The following JAKMIP1 variants were observed in gnomAD, a reference collection of about 807,000 sequenced individuals.
JAKMIP1 encodes the protein janus kinase and microtubule-interacting protein 1.
Under a neutral mutation model 113.0 loss-of-function variants are expected in JAKMIP1, and 33 were observed. The observed-to-expected ratio is 0.29, with a 90% CI of 0.22 to 0.39. The LOEUF (loss-of-function observed/expected upper bound fraction) is 0.39. Among genes scored for constraint, JAKMIP1 ranks in the 10% least tolerant of loss-of-function variants. The pLI is 1.00. For missense variants in JAKMIP1, 813 were observed against 1,080.5 expected (o/e 0.75, Z 3.47); for synonymous variants, 480 against 459.9 (o/e 1.04, Z -0.56).
Position 6,065,508 on chromosome 4 carries a change from C to G in JAKMIP1, c.1303-500G>C, listed in dbSNP as rs1717939246. Among the ~76,000 whole-genome samples the G allele has an allele frequency of 1.3e-5, 2 of 152,212 alleles. No individual in the cohort carries two copies. The highest frequency in any genetic ancestry group is 1.3e-4 in the Admixed American group (2 of 15,280). On this transcript the variant is annotated intron_variant, in intron 8 of 20. Coordinates refer to ENST00000409021, the MANE Select transcript of JAKMIP1 (RefSeq NM_001099433.2). This position sits in a 1 kb window ranked among gnomAD's most constrained non-coding sequence, Gnocchi z 5.1. Reference sequence around the variant, plus strand: ...TGAATAAGGACAGCAGAGGGGGCAACAGCTTGAAGGAGTGGAGAGCCCAGC... The same window carrying G: ...TGAATAAGGACAGCAGAGGGGGCAAGAGCTTGAAGGAGTGGAGAGCCCAGC...
chr4:6,082,157 A>C (rs536155508), intron 5 of JAKMIP1, among the ~76,000 whole-genome samples: 1 of 152,066 alleles, frequency 6.6e-6, no homozygotes, highest in East Asian at 1.9e-4. Flanking sequence ...AGAGGAGGCA[A>C]TGGGCCCAAC....
Position 6,039,848 on chromosome 4 carries a change from G to A in JAKMIP1, c.2175+791C>T, listed in dbSNP as rs527602708. Among the ~76,000 whole-genome samples the A allele has an allele frequency of 1.2e-3, 176 of 152,306 alleles. 2 individuals carry two copies. The highest frequency in any genetic ancestry group is 4.1e-3 in the African/African-American group (169 of 41,566). ...GTCTTCCTGGAGCCTGTCATGGGAA[G>A]TAGAGTTTTAAAGTCATTTTTTTTT... is the stretch of plus-strand genomic sequence containing the variant. On this transcript the variant is annotated intron_variant, in intron 18 of 20. Transcript: ENST00000409021.
chr4:6,104,336 A>G (rs1483447048), intron 3 of JAKMIP1, among the ~76,000 whole-genome samples: 1 of 150,954 alleles, frequency 6.6e-6, no homozygotes, highest in African/African-American at 2.5e-5. Flanking sequence ...TTCTCCTTTT[A>G]GTGTTGATAA....
Position 6,139,855 on chromosome 4 carries a change from C to T in JAKMIP1, c.-147-26858G>A, listed in dbSNP as rs769097190. Among the ~76,000 whole-genome samples the T allele has an allele frequency of 3.2e-4, 49 of 151,954 alleles. No individual in the cohort carries two copies. Among genetic ancestry groups the T allele is most frequent in the African/African-American group, 7.3e-4 (30 of 41,348 alleles). ...GACAAAGGAGAACACCATGTGACGA[C>T]GAAGGAGGAGGTCACGGGGCAGATT... On this transcript the variant is annotated intron_variant, in intron 1 of 20. Transcript: ENST00000409021. This position sits in a 1 kb window ranked among gnomAD's most constrained non-coding sequence, Gnocchi z 5.2.
rs1717808418 is a variant in JAKMIP1 at position 6,064,746 on chromosome 4, T to C, written c.1431+134A>G. On this transcript the variant is annotated intron_variant, in intron 9 of 20. Coordinates refer to ENST00000409021, the MANE Select transcript of JAKMIP1 (RefSeq NM_001099433.2). The surrounding 1 kb of genome is among the most constrained non-coding windows in gnomAD (Gnocchi z 4.3). The stretch of plus-strand genomic sequence containing the variant: ...CCCTTCACACCATTGGCTTTGATAA[T>C]GCACTGGTAGGAACTGGTCATCTGG... 1 of 1,132,020 alleles carries C rather than the reference T, an allele frequency of 8.8e-7. No homozygotes were observed. The highest frequency in any genetic ancestry group is 1.3e-6 in the Non-Finnish European group (1 of 798,052). 70.1% of individuals were successfully genotyped at this position (1,132,020 alleles called of 1,614,324 possible). A position where few individuals can be genotyped will look rare whatever the true frequency, so the allele number is the denominator to read the frequency against.
rs557066494 is a variant in JAKMIP1 at position 6,031,460 on chromosome 4, C to T, written c.2380-1679G>A. Among the ~76,000 whole-genome samples, 5 of 152,176 alleles carry T rather than the reference C, an allele frequency of 3.3e-5. No individual in the cohort carries two copies. The highest frequency in any genetic ancestry group is 7.2e-5 in the African/African-American group (3 of 41,516). On this transcript the variant is annotated intron_variant, in intron 19 of 20. Transcript: ENST00000409021. This position sits in a 1 kb window ranked among gnomAD's most constrained non-coding sequence, Gnocchi z 4.4. ...CATGAGGAGGGGTGAGGTATCGTGC[C>T]GTGGGCTGGAGGAGACGTGGAACCC...
Position 6,185,498 on chromosome 4 carries a change from A to G in JAKMIP1, c.-148+14755T>C, listed in dbSNP as rs1726552005. Among the ~76,000 whole-genome samples, 2 of 152,176 alleles carry G rather than the reference A, an allele frequency of 1.3e-5. No homozygotes were observed. The highest frequency in any genetic ancestry group is 1.5e-5 in the Non-Finnish European group (1 of 68,026). On this transcript the variant is annotated intron_variant, in intron 1 of 20. Transcript: ENST00000409021. The surrounding 1 kb of genome is among the most constrained non-coding windows in gnomAD (Gnocchi z 5.3). ...CCATCTCTACTAAAAAATACAAAAA[A>G]TTAGCCGGGCGTGGTGGCAGACGCC...
At chr4:6,054,795 G>A (rs904118176) in intron 12 of JAKMIP1, 14 of 456,702 alleles carry the variant, frequency 3.1e-5, no homozygotes, top group East Asian at 7.0e-5. Flanking sequence ...TGGCAGCAGC[G>A]AGAAGTCACT....
intron 1 of JAKMIP1, among the ~76,000 whole-genome samples, chr4:6,195,952 G>A (rs979637291): frequency 1.3e-5 from 2 of 152,212 alleles, no homozygotes; most frequent in Non-Finnish European, 2.9e-5. Flanking sequence ...ATAGATCCTG[G>A]CACTTGCTAA....
rs1213858598 is a variant in JAKMIP1, at chr4:6,093,052, T to C, written c.625-7423A>G. ...GGCTATTTTAGAGATATGGTTAAAA[T>C]GATCACATCATGCCCCATTACTTCC... is the stretch of plus-strand genomic sequence containing the variant. On this transcript the variant is annotated intron_variant, in intron 3 of 20. Coordinates refer to ENST00000409021, the MANE Select transcript of JAKMIP1 (RefSeq NM_001099433.2). The surrounding 1 kb of genome is among the most constrained non-coding windows in gnomAD (Gnocchi z 4.6). Among the ~76,000 whole-genome samples the C allele has an allele frequency of 1.3e-5, 2 of 152,246 alleles. No homozygotes were observed. Among genetic ancestry groups the C allele is most frequent in the Admixed American group, 6.5e-5 (1 of 15,278 alleles).
chr4:6,098,632 A>AAAGG (rs1712330368), intron 3 of JAKMIP1, among the ~76,000 whole-genome samples: 1 of 147,588 alleles, frequency 6.8e-6, no homozygotes, highest in African/African-American at 2.6e-5. Context: ...AAAAAGAAAG[A>AAAGG]AAGAAAAGAA....
intron 1 of JAKMIP1, among the ~76,000 whole-genome samples, chr4:6,127,911 G>T (rs1034807885): frequency 6.6e-6 from 1 of 152,154 alleles, no homozygotes; most frequent in African/African-American, 2.4e-5. Context: ...CCCAAAATGC[G>T]TCCACTCCCC....
chr4:6,151,583 C>T (rs1270661000), intron 1 of JAKMIP1, among the ~76,000 whole-genome samples: 2 of 152,154 alleles, frequency 1.3e-5, no homozygotes, highest in Non-Finnish European at 2.9e-5. Context: ...CCATGCCCCA[C>T]CTAGTTGCAC....
In JAKMIP1 at chr4:6,179,120, T is replaced by C. The variant is rs1257071621; in HGVS notation, c.-148+21133A>G. Among the ~76,000 whole-genome samples, 3 of 152,166 alleles carry C rather than the reference T, an allele frequency of 2.0e-5. No homozygotes were observed. Among genetic ancestry groups the C allele is most frequent in the African/African-American group, 7.2e-5 (3 of 41,448 alleles). ...TGCTTTTCAAACCTTTGTTGCTCTT[T>C]TTCATGAAATGGTCTTAGAAGGACC... On this transcript the variant is annotated intron_variant, in intron 1 of 20. Coordinates refer to ENST00000409021, the MANE Select transcript of JAKMIP1 (RefSeq NM_001099433.2). This position sits in a 1 kb window ranked among gnomAD's most constrained non-coding sequence, Gnocchi z 4.5.
Position 6,051,535 on chromosome 4 carries a change from C to T in JAKMIP1, c.1807-856G>A, listed in dbSNP as rs376274764. Among the ~76,000 whole-genome samples the T allele has an allele frequency of 1.2e-4, 18 of 151,816 alleles. No homozygotes were observed. Among genetic ancestry groups the T allele is most frequent in the East Asian group, 5.9e-4 (3 of 5,086 alleles). ...GATTACAGGCGTAAGCCACCTCGCC[C>T]GGCCCCAAAGGCTGACTTTCTGTTC... On this transcript the variant is annotated intron_variant, in intron 13 of 20. Transcript: ENST00000409021. The surrounding 1 kb of genome is among the most constrained non-coding windows in gnomAD (Gnocchi z 5.0).
intron 16 of JAKMIP1, 120 bp downstream of exon 16, chr4:6,048,737 C>A: frequency 1.3e-6 from 1 of 775,896 alleles, no homozygotes; most frequent in Admixed American, 2.2e-5. Flanking sequence ...TGTGCACGTG[C>A]AGACGCAGAC....
chr4:6,065,140 G>T lies in JAKMIP1; in HGVS notation c.1303-132C>A. The T allele has an allele frequency of 1.8e-6, 2 of 1,127,462 alleles. No individual in the cohort carries two copies. Among genetic ancestry groups the T allele is most frequent in the Non-Finnish European group, 2.6e-6 (2 of 762,720 alleles). The allele number at this position is 1,127,462 out of a possible 1,614,324, so 69.8% of individuals were successfully genotyped here. On this transcript the variant is annotated intron_variant, in intron 8 of 20. Transcript: ENST00000409021. This position sits in a 1 kb window ranked among gnomAD's most constrained non-coding sequence, Gnocchi z 5.1. ...GGCCACTGGGGCATCACAAGATGCGGTTGGTGGGCTTCGTAACTGACTGGG... is the reference window on the plus strand; with the variant it reads ...GGCCACTGGGGCATCACAAGATGCGTTTGGTGGGCTTCGTAACTGACTGGG...
rs911194867 is a variant in JAKMIP1, at chr4:6,194,002, A to C, written c.-148+6251T>G. On this transcript the variant is annotated intron_variant, in intron 1 of 20. Coordinates refer to ENST00000409021, the MANE Select transcript of JAKMIP1 (RefSeq NM_001099433.2). The surrounding 1 kb of genome is among the most constrained non-coding windows in gnomAD (Gnocchi z 7.4). ...AATGACACTTGATGACACTTGCTAT[A>C]ACATGGGTGAACCCTGAAAATATCA... Among the ~76,000 whole-genome samples, 1 of 152,182 alleles carries C rather than the reference A, an allele frequency of 6.6e-6. No homozygotes were observed. Among genetic ancestry groups the C allele is most frequent in the Non-Finnish European group, 1.5e-5 (1 of 68,034 alleles).
intron 16 of JAKMIP1, among the ~76,000 whole-genome samples, chr4:6,043,702 C>T (rs1553804484): frequency 7.3e-6 from 1 of 136,778 alleles, no homozygotes; most frequent in Non-Finnish European, 1.6e-5. Flanking sequence ...ATTCCCCTTT[C>T]AGCCCCCAGG....
Sources: allele counts gnomAD v4.1 joint callset (sites outside exome capture counted in the v4.1 genomes callset), GRCh38; gene constraint gnomAD v4.1.1; non-coding constraint Gnocchi (gnomAD v3.1); transcripts MANE v1.5; gene names NCBI Gene and HGNC (gene_info 2026-07-23, HGNC 2026-07-21).